The following ACER3 variants were observed in gnomAD, a reference collection of about 807,000 sequenced individuals.
ACER3 encodes alkCDase 3.
Under a neutral mutation model 48.9 loss-of-function variants are expected in ACER3, and 16 were observed. The observed-to-expected ratio is 0.33, with a 90% confidence interval of 0.22 to 0.50. The LOEUF (loss-of-function observed/expected upper bound fraction) is 0.50. Ranked by LOEUF, ACER3 falls within the 20% of genes least tolerant of loss-of-function variation. The pLI, the probability that ACER3 is intolerant of heterozygous loss-of-function variation, is 0.98. For missense variants in ACER3, 227 were observed against 326.0 expected, an observed-to-expected ratio of 0.70 and a Z score of 2.34; for synonymous variants, 109 against 107.8, an observed-to-expected ratio of 1.01 and a Z score of -0.07.
At chr11:77,005,036 CT>C (rs57411582) in intron 7 of ACER3, among the ~76,000 whole-genome samples, 79 of 112,848 alleles carry the variant, frequency 7.0e-4, no homozygotes, top group African/African-American at 1.2e-3. Flanking sequence ...TAAACTTTTT[CT>C]TTTTTTTTTT....
At chr11:76,947,098 A>G (rs1947496634) in intron 2 of ACER3, among the ~76,000 whole-genome samples, 1 of 152,034 alleles carries the variant, frequency 6.6e-6, no homozygotes. Context: ...CTCCTAGACA[A>G]TCTGTTTGAA....
In ACER3 at chr11:77,026,612, A is replaced by G. The variant is rs1949552819; in HGVS notation, c.*6285A>G. On this transcript the variant is annotated 3_prime_UTR_variant, in exon 11 of 11. Coordinates refer to ENST00000532485, the MANE Select transcript of ACER3 (RefSeq NM_018367.7). The stretch of plus-strand genomic sequence containing the variant: ...TACTGAATCTTACTAGCAACTAACT[A>G]TTTTCAGGTAATCTCAGTCTGCTTA... 6.6e-6 allele frequency: 1 copy of G among 152,128 alleles called. No homozygotes were observed. Among genetic ancestry groups the G allele is most frequent in the Non-Finnish European group, 1.5e-5 (1 of 68,028 alleles). The allele number at this position is 152,128 out of a possible 1,614,324, so 9.4% of individuals were successfully genotyped here.
rs71040037 is a variant in ACER3 at position 76,875,732 on chromosome 11, G to GTTTTTTTTTTTTTT, written c.103+14664_103+14677dup. On this transcript the variant is annotated intron_variant, in intron 1 of 10. Transcript: ENST00000532485. ...TTCAATGTAATACACAGTTTTTGTT[G>GTTTTTTTTTTTTTT]TTTTTTTTTTTTTTTTTTTTTTTTG... Among the ~76,000 whole-genome samples the GTTTTTTTTTTTTTT allele has an allele frequency of 5.7e-4, 38 of 67,066 alleles. 3 individuals carry two copies. The highest frequency in any genetic ancestry group is 1.3e-3 in the African/African-American group (23 of 17,756). The allele number at this position is 67,066 out of a possible 152,430, so 44.0% of individuals were successfully genotyped here. A position where few individuals can be genotyped will look rare whatever the true frequency, so the allele number is the denominator to read the frequency against.
intron 2 of ACER3, among the ~76,000 whole-genome samples, chr11:76,937,708 G>C (rs1457871593): frequency 1.3e-5 from 2 of 152,126 alleles, no homozygotes; most frequent in Non-Finnish European, 2.9e-5. Flanking sequence ...ACTGCAGGGG[G>C]TGGATAGAAA....
At chr11:76,949,979 C>T (rs1036639796) in intron 2 of ACER3, among the ~76,000 whole-genome samples, 3 of 152,112 alleles carry the variant, frequency 2.0e-5, no homozygotes, top group Non-Finnish European at 2.9e-5. Context: ...TGTATTTTCA[C>T]CTTTCTGCCT....
chr11:77,006,626 A>AC (rs1949155653), intron 7 of ACER3, among the ~76,000 whole-genome samples: 1 of 151,152 alleles, frequency 6.6e-6, no homozygotes, highest in Non-Finnish European at 1.5e-5. Flanking sequence ...GTTGACAATT[A>AC]TTTTTTTTCA....
chr11:77,007,621 G>A (rs1949181250), intron 7 of ACER3, among the ~76,000 whole-genome samples: 1 of 152,186 alleles, frequency 6.6e-6, no homozygotes, highest in African/African-American at 2.4e-5. Context: ...TCTGCAGTAG[G>A]TCTCTGACAC....
intron 6 of ACER3, 39 bp from the exon 7 acceptor site, chr11:76,998,724 A>G (rs781859564): frequency 1.1e-5 from 17 of 1,496,348 alleles, no homozygotes; most frequent in Non-Finnish European, 1.5e-5. Context: ...TTGCCAAACA[A>G]TAATGATTGT....
chr11:76,867,528 G>T (rs1945127231), intron 1 of ACER3, among the ~76,000 whole-genome samples: 1 of 145,906 alleles, frequency 6.9e-6, no homozygotes, highest in South Asian at 2.2e-4. Flanking sequence ...GGCAGCAGGA[G>T]TATGAACAGA....
chr11:77,012,416 C>CAAAAA (rs35917677), intron 7 of ACER3, among the ~76,000 whole-genome samples: 17 of 21,310 alleles, frequency 8.0e-4, no homozygotes, highest in African/African-American at 1.3e-3. Context: ...GACTCCATCT[C>CAAAAA]AAAAAAAAAA....
Position 76,964,235 on chromosome 11 carries a change from T to A in ACER3, c.267+5204T>A, listed in dbSNP as rs908980429. 3.4e-4 allele frequency among the ~76,000 whole-genome samples: 51 copies of A among 151,144 alleles called. 2 individuals are homozygous for A. Among genetic ancestry groups the A allele is most frequent in the African/African-American group, 1.2e-3 (49 of 40,538 alleles). ...TCACTGCTAGCACAGCAGTCTGAGA[T>A]CAAATTGCAAGGCAGCAGTGAGGCT... On this transcript the variant is annotated intron_variant, in intron 3 of 10. Transcript: ENST00000532485.
chr11:77,010,191 A>AATG (rs1949233429), intron 7 of ACER3, among the ~76,000 whole-genome samples: 1 of 119,600 alleles, frequency 8.4e-6, no homozygotes, highest in African/African-American at 2.7e-5. Context: ...TAATAATAAT[A>AATG]ATAATAACTA....
At chr11:76,969,296 C>T (rs1449364815) in intron 3 of ACER3, among the ~76,000 whole-genome samples, 2 of 152,170 alleles carry the variant, frequency 1.3e-5, no homozygotes, top group Non-Finnish European at 2.9e-5. Flanking sequence ...CAGGAAACAA[C>T]ACGTGCTGGA....
chr11:77,005,235 C>G (rs1555020642), intron 7 of ACER3, among the ~76,000 whole-genome samples: 1 of 152,028 alleles, frequency 6.6e-6, no homozygotes, highest in South Asian at 2.1e-4. Flanking sequence ...ACGGGTTTCA[C>G]CGTGTTAGCC....
At chr11:77,006,676 A>G (rs1375990833) in intron 7 of ACER3, among the ~76,000 whole-genome samples, 2 of 150,602 alleles carry the variant, frequency 1.3e-5, no homozygotes, top group Non-Finnish European at 3.0e-5. Context: ...TGCCCTTCAC[A>G]TTTTTTTTAA....
Position 76,889,608 on chromosome 11 carries a change from C to G in ACER3, c.103+28529C>G, listed in dbSNP as rs1207985702. ...TTCACAATCTGCCCTTTGACTCCCT[C>G]TCTAATGGCCTTTCTAAACACTTGC... On this transcript the variant is annotated intron_variant, in intron 1 of 10. Transcript: ENST00000532485. Among the ~76,000 whole-genome samples the G allele has an allele frequency of 2.0e-5, 3 of 152,268 alleles. No homozygotes were observed. In the South Asian group the frequency reaches 6.2e-4, roughly 32 times the overall value.
intron 1 of ACER3, among the ~76,000 whole-genome samples, chr11:76,882,906 C>T (rs1354333639): frequency 1.3e-5 from 2 of 152,148 alleles, no homozygotes; most frequent in Non-Finnish European, 2.9e-5. Flanking sequence ...ATGGTTCAAT[C>T]AGAGACATGG....
At chr11:76,944,026 A>G (rs1431427525) in intron 2 of ACER3, among the ~76,000 whole-genome samples, 1 of 150,400 alleles carries the variant, frequency 6.6e-6, no homozygotes, top group East Asian at 1.9e-4. Context: ...CTACCCCTTT[A>G]CTGTCAGTCT....
In ACER3 at chr11:76,970,603, T is replaced by C. The variant is rs548317103; in HGVS notation, c.268-5686T>C. 2.6e-5 allele frequency among the ~76,000 whole-genome samples: 4 copies of C among 152,260 alleles called. No individual in the cohort carries two copies. In the South Asian group the frequency reaches 8.3e-4, roughly 32 times the overall value. Reference sequence around the variant, plus strand: ...AGACACTTAAAAAAATTGAATGAGGTCTGTGGATTACATGTAGTAATAAAT... The same window carrying C: ...AGACACTTAAAAAAATTGAATGAGGCCTGTGGATTACATGTAGTAATAAAT... On this transcript the variant is annotated intron_variant, in intron 3 of 10. Transcript: ENST00000532485.
Sources: allele counts gnomAD v4.1 joint callset (sites outside exome capture counted in the v4.1 genomes callset), GRCh38; gene constraint gnomAD v4.1.1; transcripts MANE v1.5; gene names NCBI Gene and HGNC (gene_info 2026-07-23, HGNC 2026-07-21).